Variants in PBX3 observed in about 807,000 individuals in gnomAD.
PBX3 encodes PBX homeobox 3.
A neutral mutation model predicts 48.5 loss-of-function variants in PBX3; 14 were observed. That is an observed-to-expected ratio of 0.29 (90% CI 0.19 to 0.45). PBX3 has a LOEUF of 0.45. Among genes scored for constraint, PBX3 ranks in the 20% least tolerant of loss-of-function variants. The probability of loss-of-function intolerance (pLI) is 1.00; values close to 1 mark genes in which losing one functional copy is unlikely to be tolerated. For missense variants in PBX3, 386 were observed against 546.7 expected (o/e 0.71, Z 2.93); for synonymous variants, 210 against 200.3 (o/e 1.05, Z -0.41).
intron 2 of PBX3, among the ~76,000 whole-genome samples, chr9:125,824,621 C>A (rs946927804): frequency 6.6e-6 from 1 of 151,958 alleles, no homozygotes; most frequent in Non-Finnish European, 1.5e-5. Context: ...TAGAAAGATA[C>A]AGTCTTTCAG....
chr9:125,791,596 T>G (rs1246641065), intron 2 of PBX3, among the ~76,000 whole-genome samples: 1 of 152,184 alleles, frequency 6.6e-6, no homozygotes, highest in Non-Finnish European at 1.5e-5. Flanking sequence ...CCTCCTGTTC[T>G]GGTCATGTAA....
In PBX3 at chr9:125,759,891, C is replaced by T. The variant is rs1836618897; in HGVS notation, c.274+11268C>T. Reference sequence around the variant, plus strand: ...ATAGTTATCTTCAGGCAGTGGCAGCCAGGAGCTGCTTGAAATGCAAAGAGC... The same window carrying T: ...ATAGTTATCTTCAGGCAGTGGCAGCTAGGAGCTGCTTGAAATGCAAAGAGC... On this transcript the variant is annotated intron_variant, in intron 2 of 8. Transcript: ENST00000373489. The surrounding 1 kb of genome is among the most constrained non-coding windows in gnomAD (Gnocchi z 4.2). Among the ~76,000 whole-genome samples the T allele has an allele frequency of 6.6e-6, 1 of 152,164 alleles. No individual in the cohort carries two copies. Among genetic ancestry groups the T allele is most frequent in the Admixed American group, 6.5e-5 (1 of 15,276 alleles).
intron 3 of PBX3, among the ~76,000 whole-genome samples, chr9:125,925,150 A>C (rs1235451540): frequency 6.6e-6 from 1 of 152,214 alleles, no homozygotes; most frequent in Admixed American, 6.5e-5. Flanking sequence ...GGACATTCCT[A>C]AGTCAAATGG....
intron 3 of PBX3, among the ~76,000 whole-genome samples, chr9:125,917,400 A>G (rs1841358122): frequency 6.6e-6 from 1 of 152,118 alleles, no homozygotes; most frequent in African/African-American, 2.4e-5. Flanking sequence ...CAAAATCCAT[A>G]GTTTACATTA....
rs1227625019 is a variant in PBX3 at position 125,802,358 on chromosome 9, C to CAT, written c.274+53736_274+53737dup. On this transcript the variant is annotated intron_variant, in intron 2 of 8. Transcript: ENST00000373489. ...GCTTCTACTTGTGAGAACATTAGTG[C>CAT]ATTTTTTTTTTTTTTTTTTTTTTTT... Among the ~76,000 whole-genome samples the CAT allele has an allele frequency of 2.5e-3, 57 of 22,566 alleles. 1 individual carries two copies. Among genetic ancestry groups the CAT allele is most frequent in the African/African-American group, 9.1e-3 (56 of 6,160 alleles). The allele number at this position is 22,566 out of a possible 152,430, so 14.8% of individuals were successfully genotyped here.
intron 2 of PBX3, among the ~76,000 whole-genome samples, chr9:125,769,055 G>C (rs1056930322): frequency 6.6e-6 from 1 of 152,134 alleles, no homozygotes; most frequent in Non-Finnish European, 1.5e-5. Flanking sequence ...TAAGTGCTTT[G>C]TGGAGAATTT....
In PBX3 at chr9:125,966,871, CTT is replaced by C. The variant is rs1233945408; in HGVS notation, c.*950_*951del. On this transcript the variant is annotated 3_prime_UTR_variant, in exon 9 of 9. Transcript: ENST00000373489. Reference sequence around the variant, plus strand: ...ACAATACTCACGCTGTAGTTTGTCTCTTTCTTATCTTTTTGCATCTTGTAATT... The same window carrying C: ...ACAATACTCACGCTGTAGTTTGTCTCTCTTATCTTTTTGCATCTTGTAATT... 1 of 152,486 alleles carries C rather than the reference CTT, an allele frequency of 6.6e-6. No homozygotes were observed. The highest frequency in any genetic ancestry group is 1.5e-5 in the Non-Finnish European group (1 of 68,030). 9.4% of individuals were successfully genotyped at this position (152,486 alleles called of 1,614,324 possible).
At chr9:125,784,993 G>A (rs117858303) in intron 2 of PBX3, among the ~76,000 whole-genome samples, 1 of 152,226 alleles carries the variant, frequency 6.6e-6, no homozygotes, top group South Asian at 2.1e-4. Context: ...TTCTCCCTTC[G>A]CTAGCCTTTT....
At chr9:125,907,197 A>C (rs1225003774) in intron 2 of PBX3, among the ~76,000 whole-genome samples, 1 of 152,038 alleles carries the variant, frequency 6.6e-6, no homozygotes, top group African/African-American at 2.4e-5. Context: ...GATGGCTAAA[A>C]GCAATAAAAC....
rs145537886 is a variant in PBX3 at position 125,960,833 on chromosome 9, C to T, written c.993C>T (p.Pro331=). 1 of 1,613,986 alleles carries T rather than the reference C, an allele frequency of 6.2e-7. No individual in the cohort carries two copies. The highest frequency in any genetic ancestry group is 1.1e-5 in the South Asian group (1 of 91,030). ...TGCAGAACAACCAGACCAATTCGCCCACCACACCAAATTCCGGTGCGTACT... is the reference window on the plus strand; with the variant it reads ...TGCAGAACAACCAGACCAATTCGCCTACCACACCAAATTCCGGTGCGTACT... The part of the protein sequence containing the change: ...AAVQNNQTNS[P]TTPNSGSSGS... Residue 331 remains proline, a synonymous_variant, in exon 6 of 9, where the codon CCC becomes CCT. Coordinates refer to ENST00000373489, the MANE Select transcript of PBX3 (RefSeq NM_006195.6).
intron 5 of PBX3, among the ~76,000 whole-genome samples, chr9:125,960,436 C>T (rs948294390): frequency 3.3e-5 from 5 of 152,120 alleles, no homozygotes; most frequent in African/African-American, 9.7e-5. Flanking sequence ...TTATGAGCAG[C>T]GCTCCCTGCC....
At chr9:125,784,657 T>G (rs539160914) in intron 2 of PBX3, among the ~76,000 whole-genome samples, 3 of 152,270 alleles carry the variant, frequency 2.0e-5, no homozygotes, top group African/African-American at 7.2e-5. Context: ...AGTATTTTGA[T>G]AGGGATTTCC....
intron 2 of PBX3, among the ~76,000 whole-genome samples, chr9:125,861,448 A>G (rs1441230989): frequency 6.6e-6 from 1 of 152,198 alleles, no homozygotes; most frequent in African/African-American, 2.4e-5. Context: ...TAACTGTATA[A>G]TTACCATATG....
At position 125,962,998 on chromosome 9, in the gene PBX3, T is replaced by C. The variant is rs778755545; in HGVS notation, c.1123-14T>C. The C allele has an allele frequency of 4.6e-6, 7 of 1,515,336 alleles. No homozygotes were observed. The highest frequency in any genetic ancestry group is 1.4e-5 in the African/African-American group (1 of 72,856). The allele number at this position is 1,515,336 out of a possible 1,614,324, so 93.9% of individuals were successfully genotyped here. Reference sequence around the variant, plus strand: ...AGATTTGGGATGATGAATTTTGTTTTGTCTCACTTCTAGGTGGATACCCTC... The same window carrying C: ...AGATTTGGGATGATGAATTTTGTTTCGTCTCACTTCTAGGTGGATACCCTC... On this transcript the variant is annotated splice_polypyrimidine_tract_variant and intron_variant, in intron 7 of 8. Coordinates refer to ENST00000373489, the MANE Select transcript of PBX3 (RefSeq NM_006195.6).
chr9:125,964,645 G>A (rs1230717254), intron 8 of PBX3, among the ~76,000 whole-genome samples: 1 of 151,950 alleles, frequency 6.6e-6, no homozygotes, highest in Non-Finnish European at 1.5e-5. Flanking sequence ...AGGTAGAAAA[G>A]GTGCTTTGCA....
chr9:125,791,281 A>ATCTG lies in PBX3; in HGVS notation c.274+42678_274+42681dup, dbSNP rs78566375. Among the ~76,000 whole-genome samples the ATCTG allele has an allele frequency of 6.1e-3, 870 of 143,490 alleles. 10 individuals are homozygous for ATCTG. Among genetic ancestry groups the ATCTG allele is most frequent in the Middle Eastern group, 0.025 (7 of 284 alleles). The allele number at this position is 143,490 out of a possible 152,430, so 94.1% of individuals were successfully genotyped here. ...ATAATTGTAGTACACATACATTTTT[A>ATCTG]TCTGTCTGTCTGTCTGTCTGTCTAT... On this transcript the variant is annotated intron_variant, in intron 2 of 8. Transcript: ENST00000373489.
At chr9:125,752,552 G>T (rs1375755662) in intron 2 of PBX3, among the ~76,000 whole-genome samples, 1 of 151,888 alleles carries the variant, frequency 6.6e-6, no homozygotes, top group Non-Finnish European at 1.5e-5. Context: ...AGCTTTCAAA[G>T]AGACAAGGCA....
At chr9:125,774,969 C>T (rs1281439634) in intron 2 of PBX3, among the ~76,000 whole-genome samples, 4 of 151,860 alleles carry the variant, frequency 2.6e-5, no homozygotes, top group Admixed American at 6.6e-5. Flanking sequence ...TAGGTTCAAG[C>T]GATTCTCCTG....
At chr9:125,855,301 C>CT (rs1002332791) in intron 2 of PBX3, among the ~76,000 whole-genome samples, 33 of 151,880 alleles carry the variant, frequency 2.2e-4, no homozygotes, top group Admixed American at 2.6e-4. Flanking sequence ...TTTTTATTAA[C>CT]TTTTTTTTAC....
Sources: gnomAD v4.1 joint callset for allele counts (sites outside exome capture counted in the v4.1 genomes callset) on GRCh38, gnomAD v4.1.1 for gene constraint, Gnocchi (gnomAD v3.1) non-coding constraint, MANE v1.5 for transcripts, NCBI Gene and HGNC (gene_info 2026-07-23, HGNC 2026-07-21) for gene names.